CCT3: variants seen among roughly 807,000 people sequenced by gnomAD.
CCT3 encodes chaperonin containing TCP1 subunit 3.
A neutral mutation model predicts 65.3 loss-of-function variants in CCT3; 10 were observed. That is an observed-to-expected ratio of 0.15 (90% CI 0.09 to 0.26). The LOEUF (loss-of-function observed/expected upper bound fraction) is 0.26, where lower values mean the gene tolerates loss of function less well. CCT3 is among the 10% of genes least tolerant of loss of function. CCT3 has a pLI of 1.00. For synonymous variants in CCT3, 225 were observed against 242.3 expected (o/e 0.93, Z 0.66); for missense variants, 626 against 708.7 (o/e 0.88, Z 1.33).
chr1:156,315,614 G>A (rs1188226308), intron 10 of CCT3, among the ~76,000 whole-genome samples: 1 of 152,128 alleles, frequency 6.6e-6, no homozygotes, highest in Non-Finnish European at 1.5e-5. Context: ...TGTGTTATTG[G>A]TAAGGGTTCG....
At chr1:156,315,159 T>TTGATGATC (rs1292838080) in intron 10 of CCT3, among the ~76,000 whole-genome samples, 1 of 152,184 alleles carries the variant, frequency 6.6e-6, no homozygotes, top group Non-Finnish European at 1.5e-5. Flanking sequence ...GATGACCTTT[T>TTGATGATC]TGATGATCTA....
At chr1:156,335,774 C>T (rs41265037) in intron 2 of CCT3, 53 bp downstream of exon 2, 37,293 of 1,470,186 alleles carry the variant, frequency 0.025, 577 homozygotes, top group Non-Finnish European at 0.03. Context: ...TGACCAAATA[C>T]CAGGAAAGAT....
chr1:156,323,915 A>T (rs1261986005), intron 6 of CCT3, among the ~76,000 whole-genome samples: 1 of 151,422 alleles, frequency 6.6e-6, no homozygotes, highest in East Asian at 1.9e-4. Flanking sequence ...GGCGCATGCA[A>T]CCACACCTGG....
At chr1:156,331,184 T>C (rs904429223) in intron 5 of CCT3, among the ~76,000 whole-genome samples, 10 of 151,028 alleles carry the variant, frequency 6.6e-5, no homozygotes, top group African/African-American at 1.5e-4. Context: ...TGAGCTGAGA[T>C]TGCACAACTG....
chr1:156,323,565 T>G (rs1468493547), intron 6 of CCT3, among the ~76,000 whole-genome samples: 2 of 148,412 alleles, frequency 1.3e-5, no homozygotes, highest in African/African-American at 5.0e-5. Flanking sequence ...CCCGGGTTCA[T>G]GCCATTCTCC....
At chr1:156,316,143 G>T (rs973380947) in intron 10 of CCT3, among the ~76,000 whole-genome samples, 2 of 151,874 alleles carry the variant, frequency 1.3e-5, no homozygotes, top group South Asian at 2.1e-4. Flanking sequence ...ATAATACAAC[G>T]GCAAAAAATA....
intron 1 of CCT3, 35 bp downstream of exon 1, chr1:156,338,119 A>G: frequency 6.4e-7 from 1 of 1,572,280 alleles, no homozygotes; most frequent in Non-Finnish European, 8.6e-7. Flanking sequence ...AGAGGGCGAA[A>G]AGGGGGTCCA....
rs201959823 is a variant in CCT3, at chr1:156,312,066, C to T, written c.1130G>A (p.Arg377Gln). The T allele has an allele frequency of 9.3e-6, 15 of 1,611,302 alleles. No individual in the cohort carries two copies. Among genetic ancestry groups the T allele is most frequent in the African/African-American group, 2.7e-5 (2 of 74,680 alleles). The change falls in exon 11 of 14, where the codon CGG (arginine) becomes CAG (glutamine). Residue 377 changes from arginine (R) to glutamine (Q), a missense_variant. Coordinates refer to ENST00000295688, the MANE Select transcript of CCT3 (RefSeq NM_005998.5). ...CGAGAGAATCTCTTTGCTAGCCCCC[C>T]GGAGGAGAATGGTGCAGGCCTTGGG... ...KDPKACTILL[R>Q]GASKEILSEV...
At chr1:156,332,849 A>G (rs990932663) in intron 5 of CCT3, 1 of 152,404 alleles carries the variant, frequency 6.6e-6, no homozygotes, top group African/African-American at 2.4e-5. Flanking sequence ...CAATGCTAAT[A>G]AATCAACTAT....
At chr1:156,323,022 T>C (rs1274562262) in intron 6 of CCT3, among the ~76,000 whole-genome samples, 2 of 151,778 alleles carry the variant, frequency 1.3e-5, no homozygotes, top group African/African-American at 4.8e-5. Flanking sequence ...GCAGGCAGTA[T>C]ATGGCCAGGC....
intron 1 of CCT3, 47 bp from the exon 2 acceptor site, chr1:156,335,935 G>A (rs1393090094): frequency 1.4e-5 from 20 of 1,423,966 alleles, no homozygotes; most frequent in Admixed American, 7.0e-5. Context: ...CTGCCCCATC[G>A]TACACAAGCT....
intron 6 of CCT3, among the ~76,000 whole-genome samples, chr1:156,321,476 C>T (rs1664550041): frequency 6.6e-6 from 1 of 152,106 alleles, no homozygotes; most frequent in Admixed American, 6.6e-5. Flanking sequence ...AGATGACCAC[C>T]AACTGGTCAT....
chr1:156,323,558 G>A (rs912947952), intron 6 of CCT3, among the ~76,000 whole-genome samples: 5 of 151,996 alleles, frequency 3.3e-5, no homozygotes, highest in South Asian at 2.1e-4. Flanking sequence ...TCTGCCTCCC[G>A]GGTTCATGCC....
intron 5 of CCT3, among the ~76,000 whole-genome samples, chr1:156,328,295 G>C (rs973059513): frequency 6.7e-6 from 1 of 149,688 alleles, no homozygotes. Flanking sequence ...GCTTCTGCCC[G>C]GCTGCCCCTA....
chr1:156,334,488 T>C (rs1350116071), intron 4 of CCT3, among the ~76,000 whole-genome samples: 1 of 151,774 alleles, frequency 6.6e-6, no homozygotes, highest in Admixed American at 6.6e-5. Context: ...AGAAGCGGAG[T>C]TCTTCCCTAG....
intron 6 of CCT3, among the ~76,000 whole-genome samples, chr1:156,321,453 TCA>T (rs1327643477): frequency 6.6e-6 from 1 of 152,238 alleles, no homozygotes; most frequent in African/African-American, 2.4e-5. Flanking sequence ...TCATGGTGTG[TCA>T]CAGTGGTCAA....
In CCT3 at chr1:156,309,163, G is replaced by A; in HGVS notation, c.*36C>T. On this transcript the variant is annotated 3_prime_UTR_variant, in exon 14 of 14. Transcript: ENST00000295688. Reference sequence around the variant, plus strand: ...CTGGCTCAGGAAAAGGGGAGACTCTGCTGGTTCTGTGCATTGAAGTAGCCT... The same window carrying A: ...CTGGCTCAGGAAAAGGGGAGACTCTACTGGTTCTGTGCATTGAAGTAGCCT... The A allele has an allele frequency of 7.4e-7, 1 of 1,351,196 alleles. No individual in the cohort carries two copies. The highest frequency in any genetic ancestry group is 1.1e-6 in the Non-Finnish European group (1 of 940,684). 83.7% of individuals were successfully genotyped at this position (1,351,196 alleles called of 1,614,324 possible).
chr1:156,319,300 T>C (rs1362658251), intron 7 of CCT3, among the ~76,000 whole-genome samples: 1 of 151,508 alleles, frequency 6.6e-6, no homozygotes, highest in Non-Finnish European at 1.5e-5. Context: ...TGTATTTTAC[T>C]AGAGATGGGG....
intron 5 of CCT3, chr1:156,333,318 T>TA: frequency 4.7e-6 from 2 of 422,576 alleles, no homozygotes; most frequent in Non-Finnish European, 8.6e-6. Context: ...AAGAATATTA[T>TA]AACTTACAGT....
Sources: gnomAD v4.1 joint callset for allele counts (sites outside exome capture counted in the v4.1 genomes callset) on GRCh38, gnomAD v4.1.1 for gene constraint, MANE v1.5 for transcripts, NCBI Gene and HGNC (gene_info 2026-07-23, HGNC 2026-07-21) for gene names.